GATB: variants seen among roughly 807,000 people sequenced by gnomAD.
The protein encoded by GATB is glutamyl-tRNA(Gln) amidotransferase subunit B, mitochondrial.
GATB carries 39 observed loss-of-function variants against 62.3 expected under a neutral mutation model. The observed-to-expected ratio is 0.63, with a 90% confidence interval of 0.48 to 0.82. The LOEUF is 0.82. Among genes scored for constraint, GATB ranks in the 40% least tolerant of loss-of-function variants. The pLI, the probability that GATB is intolerant of heterozygous loss-of-function variation, is 0.00. For synonymous variants in GATB, 276 were observed against 258.9 expected (o/e 1.07, Z -0.63); for missense variants, 670 against 684.0 (o/e 0.98, Z 0.23).
intron 2 of GATB, among the ~76,000 whole-genome samples, chr4:151,726,425 T>A (rs10001603): frequency 0.41 from 62,205 of 152,104 alleles, 13,203 homozygotes; most frequent in South Asian, 0.57. Flanking sequence ...TCAGTTAATT[T>A]TTTAAAGTGG....
At chr4:151,755,483 G>T (rs1276552736) in intron 2 of GATB, among the ~76,000 whole-genome samples, 1 of 152,080 alleles carries the variant, frequency 6.6e-6, no homozygotes, top group Non-Finnish European at 1.5e-5. Flanking sequence ...ATTTTCCAAG[G>T]ACAGATTCCT....
chr4:151,758,835 G>C lies in GATB; in HGVS notation c.264C>G (p.Arg88=). ...NSKLFSGSQV[R]FSAPPNSLVS... ...CCAAAGAATTTGGAGGTGCTGAAAA[G>C]CGAACTTGAGATCCAGAGAAGAGTT... Residue 88 remains arginine (R), a synonymous_variant, in exon 2 of 13, where the codon CGC becomes CGG. Coordinates refer to ENST00000263985, the MANE Select transcript of GATB (RefSeq NM_004564.3). 1 of 1,610,878 alleles carries C rather than the reference G, an allele frequency of 6.2e-7. No individual in the cohort carries two copies. Among genetic ancestry groups the C allele is most frequent in the Non-Finnish European group, 8.5e-7 (1 of 1,178,318 alleles).
intron 2 of GATB, among the ~76,000 whole-genome samples, chr4:151,733,122 C>T (rs1235656622): frequency 1.3e-5 from 2 of 151,842 alleles, no homozygotes. Flanking sequence ...AAGATCAGAG[C>T]AGAACTAAAT....
At chr4:151,719,394 T>G (rs757508328) in intron 3 of GATB, 31 bp downstream of exon 3, 17 of 1,501,400 alleles carry the variant, frequency 1.1e-5, no homozygotes, top group African/African-American at 2.8e-5. Context: ...TCTGAGAACT[T>G]GCAGTGGGGT....
At chr4:151,696,470 A>G (rs1235401369) in intron 9 of GATB, among the ~76,000 whole-genome samples, 1 of 152,256 alleles carries the variant, frequency 6.6e-6, no homozygotes, top group Non-Finnish European at 1.5e-5. Context: ...TCTGTTTGAC[A>G]TTATAGCACA....
intron 10 of GATB, among the ~76,000 whole-genome samples, chr4:151,683,271 C>A (rs750224976): frequency 6.6e-6 from 1 of 152,178 alleles, no homozygotes; most frequent in Non-Finnish European, 1.5e-5. Flanking sequence ...CTGTGCCTAC[C>A]CCTCTATAGA....
intron 11 of GATB, chr4:151,675,602 A>C (rs2126953229): frequency 6.6e-6 from 1 of 152,274 alleles, no homozygotes; most frequent in East Asian, 1.9e-4. Context: ...CTGCAGCATA[A>C]ATCCTCAGCT....
At chr4:151,694,088 G>A (rs77856820) in intron 9 of GATB, among the ~76,000 whole-genome samples, 6 of 152,244 alleles carry the variant, frequency 3.9e-5, no homozygotes, top group African/African-American at 7.2e-5. Flanking sequence ...CTGTCCAATC[G>A]TCCCCACATG....
intron 9 of GATB, among the ~76,000 whole-genome samples, chr4:151,693,102 G>T (rs1738399385): frequency 6.6e-6 from 1 of 152,196 alleles, no homozygotes; most frequent in Non-Finnish European, 1.5e-5. Context: ...CGCAGGCACT[G>T]CTGCTTTATT....
At chr4:151,722,053 AC>A (rs1739042572) in intron 2 of GATB, 1 of 620,062 alleles carries the variant, frequency 1.6e-6, no homozygotes, top group African/African-American at 1.8e-5. Context: ...TTACAGATGC[AC>A]AGAGGGCCCA....
Position 151,708,038 on chromosome 4 carries a change from C to T in GATB, c.827G>A (p.Arg276Gln), listed in dbSNP as rs575592914. 2.2e-5 allele frequency: 36 copies of T among 1,614,128 alleles called. No individual in the cohort carries two copies. In the East Asian group the frequency reaches 4.2e-4, roughly 19 times the overall value. The change falls in exon 6 of 13, where the codon CGA becomes CAA. Residue 276 changes from arginine (R) to glutamine (Q), a missense_variant. Physicochemically the swap from Arg to Gln is conservative, Grantham distance 43. Transcript: ENST00000263985. ...GCTGTTGAGATTCTTCACTTCCGTT[C>T]GAACGCCCAAAGGCTCCCCAGGGTG... Reference protein sequence around the residue: ...VHHPGEPLGVRTEVKNLNSIR... With the variant: ...VHHPGEPLGVQTEVKNLNSIR...
At chr4:151,701,944 T>G (rs1282349265) in intron 8 of GATB, among the ~76,000 whole-genome samples, 1 of 152,242 alleles carries the variant, frequency 6.6e-6, no homozygotes, top group Non-Finnish European at 1.5e-5. Flanking sequence ...CTACTACAGA[T>G]AGGCCATGTG....
chr4:151,750,598 T>G (rs564693475), intron 2 of GATB, among the ~76,000 whole-genome samples: 9 of 152,204 alleles, frequency 5.9e-5, no homozygotes, highest in Admixed American at 3.9e-4. Flanking sequence ...TGCAATATTT[T>G]TATATCTTAC....
chr4:151,737,187 T>C (rs1001861330), intron 2 of GATB, among the ~76,000 whole-genome samples: 3 of 152,234 alleles, frequency 2.0e-5, no homozygotes, highest in Non-Finnish European at 4.4e-5. Context: ...TGAATGACTC[T>C]GACCAAAAGC....
chr4:151,760,014 T>C (rs905418008), intron 1 of GATB, among the ~76,000 whole-genome samples: 4 of 152,144 alleles, frequency 2.6e-5, no homozygotes, highest in Non-Finnish European at 5.9e-5. Context: ...AGAGAAAAAA[T>C]GTACTTTCCA....
At chr4:151,757,558 T>C (rs547536500) in intron 2 of GATB, among the ~76,000 whole-genome samples, 7 of 147,572 alleles carry the variant, frequency 4.7e-5, no homozygotes, top group African/African-American at 7.7e-5. Flanking sequence ...CTGCAAGCTC[T>C]GCCTCCCAGG....
chr4:151,671,814 C>G (rs1419703847), intron 12 of GATB, among the ~76,000 whole-genome samples: 1 of 152,110 alleles, frequency 6.6e-6, no homozygotes, highest in Non-Finnish European at 1.5e-5. Context: ...GGGGAGTGTG[C>G]TGTGTGGGCA....
At chr4:151,751,945 C>T (rs1739728945) in intron 2 of GATB, among the ~76,000 whole-genome samples, 1 of 152,194 alleles carries the variant, frequency 6.6e-6, no homozygotes, top group Non-Finnish European at 1.5e-5. Flanking sequence ...CATGGTAGAG[C>T]TGGCAACCTG....
intron 9 of GATB, among the ~76,000 whole-genome samples, chr4:151,690,506 T>C (rs1263288510): frequency 3.9e-5 from 6 of 152,362 alleles, no homozygotes; most frequent in African/African-American, 1.4e-4. Context: ...AAAACTGCTA[T>C]CTGGCCCAAA....
Sources: gnomAD v4.1 joint callset for allele counts (sites outside exome capture counted in the v4.1 genomes callset) on GRCh38, gnomAD v4.1.1 for gene constraint, MANE v1.5 for transcripts, NCBI Gene and HGNC (gene_info 2026-07-23, HGNC 2026-07-21) for gene names.